The following AGBL4 variants were observed in gnomAD, a reference collection of about 807,000 sequenced individuals.
The protein encoded by AGBL4 is cytosolic carboxypeptidase 6.
Under a neutral mutation model 66.4 loss-of-function variants are expected in AGBL4, and 58 were observed. The observed-to-expected ratio is 0.87, with a 90% CI of 0.71 to 1.09. The LOEUF is 1.09. AGBL4 is among the 50% of genes least tolerant of loss of function. The pLI, the probability that AGBL4 is intolerant of heterozygous loss-of-function variation, is 0.00. For missense variants in AGBL4, 579 were observed against 631.0 expected (o/e 0.92, Z 0.88); for synonymous variants, 234 against 222.9 (o/e 1.05, Z -0.44).
intron 1 of AGBL4, among the ~76,000 whole-genome samples, chr1:49,909,756 A>G (rs978686844): frequency 2.6e-5 from 4 of 152,342 alleles, no homozygotes; most frequent in Non-Finnish European, 4.4e-5. Flanking sequence ...GGAAGCAAGG[A>G]AAACATCAGG....
At chr1:49,034,435 C>T (rs1449554346) in intron 5 of AGBL4, among the ~76,000 whole-genome samples, 2 of 152,040 alleles carry the variant, frequency 1.3e-5, no homozygotes, top group Admixed American at 6.6e-5. Context: ...GTGAAGTCTC[C>T]AGTAATATGC....
In AGBL4 at chr1:49,363,143, G is replaced by C. The variant is rs147337005; in HGVS notation, c.283-117279C>G. The stretch of plus-strand genomic sequence containing the variant: ...GCGAGAAGACTAAAGACAAGCTTTA[G>C]AAAACACCATAATTTAAAGACTTGT... On this transcript the variant is annotated intron_variant, in intron 3 of 13. Coordinates refer to ENST00000371839, the MANE Select transcript of AGBL4 (RefSeq NM_032785.4). Among the ~76,000 whole-genome samples the C allele has an allele frequency of 4.6e-3, 704 of 152,262 alleles. 7 individuals are homozygous for C. Among genetic ancestry groups the C allele is most frequent in the African/African-American group, 0.016 (684 of 41,544 alleles).
chr1:49,924,711 G>A (rs1478077728), intron 1 of AGBL4, among the ~76,000 whole-genome samples: 1 of 151,982 alleles, frequency 6.6e-6, no homozygotes, highest in Non-Finnish European at 1.5e-5. Context: ...CAACAATAAG[G>A]TAATTGCTAT....
intron 1 of AGBL4, among the ~76,000 whole-genome samples, chr1:49,867,989 C>G (rs928225821): frequency 2.0e-5 from 3 of 152,084 alleles, no homozygotes; most frequent in Non-Finnish European, 4.4e-5. Context: ...AATAGACAAA[C>G]AGAGAGCCAA....
intron 5 of AGBL4, chr1:49,025,760 G>A (rs1663618917): frequency 1.3e-5 from 2 of 151,990 alleles, no homozygotes; most frequent in Admixed American, 1.3e-4. Flanking sequence ...ACAAACCTGA[G>A]AAAATTGCAT....
At chr1:49,915,472 G>A (rs145508091) in intron 1 of AGBL4, among the ~76,000 whole-genome samples, 2,088 of 152,216 alleles carry the variant, frequency 0.014, 53 homozygotes, top group African/African-American at 0.048. Context: ...CACGCCCACC[G>A]GGCCTCGCTC....
intron 4 of AGBL4, among the ~76,000 whole-genome samples, chr1:49,070,326 A>G (rs908460023): frequency 1.3e-5 from 2 of 151,812 alleles, no homozygotes; most frequent in Admixed American, 1.3e-4. Flanking sequence ...CAAAGGGAAT[A>G]CTTCCAGTTT....
At chr1:49,267,401 C>CGA (rs1211276691) in intron 3 of AGBL4, among the ~76,000 whole-genome samples, 7 of 152,128 alleles carry the variant, frequency 4.6e-5, no homozygotes, top group Admixed American at 2.0e-4. Flanking sequence ...ATACCCAAGG[C>CGA]GAGGCACGGT....
chr1:48,547,734 C>T (rs1387108086), intron 11 of AGBL4, among the ~76,000 whole-genome samples: 2 of 152,132 alleles, frequency 1.3e-5, no homozygotes, highest in African/African-American at 4.8e-5. Context: ...TAGGGTGTCC[C>T]AAGGGCTTTA....
chr1:48,543,474 G>A (rs1345522136), intron 11 of AGBL4, among the ~76,000 whole-genome samples: 1 of 152,196 alleles, frequency 6.6e-6, no homozygotes, highest in East Asian at 1.9e-4. Context: ...AGCCTCCAGT[G>A]TGTCAGGGCT....
intron 1 of AGBL4, among the ~76,000 whole-genome samples, chr1:49,888,850 C>T (rs866865946): frequency 5.9e-4 from 90 of 152,078 alleles, no homozygotes; most frequent in African/African-American, 2.0e-3. Context: ...ACAAGATGGC[C>T]TCGTAGTATC....
chr1:49,574,847 GC>G (rs1558066972), intron 3 of AGBL4, among the ~76,000 whole-genome samples: 2 of 151,836 alleles, frequency 1.3e-5, no homozygotes, highest in East Asian at 1.9e-4. Flanking sequence ...TTGATAGGAC[GC>G]CTACTGCATT....
chr1:49,600,574 C>A (rs1644936158), intron 3 of AGBL4, among the ~76,000 whole-genome samples: 1 of 152,184 alleles, frequency 6.6e-6, no homozygotes, highest in African/African-American at 2.4e-5. Context: ...ATTTGCCAGT[C>A]TGTGTATTTT....
At chr1:49,388,662 T>G (rs572061310) in intron 3 of AGBL4, among the ~76,000 whole-genome samples, 1 of 152,152 alleles carries the variant, frequency 6.6e-6, no homozygotes, top group Non-Finnish European at 1.5e-5. Flanking sequence ...GTCAAAGCAT[T>G]GCCACAAATG....
intron 2 of AGBL4, among the ~76,000 whole-genome samples, chr1:49,762,989 T>C (rs1385864357): frequency 1.3e-5 from 2 of 152,236 alleles, no homozygotes; most frequent in Non-Finnish European, 2.9e-5. Flanking sequence ...TCCTGTTTTC[T>C]TCTAGTACTT....
intron 3 of AGBL4, among the ~76,000 whole-genome samples, chr1:49,416,819 G>A (rs1259521610): frequency 6.6e-6 from 1 of 152,002 alleles, no homozygotes; most frequent in African/African-American, 2.4e-5. Flanking sequence ...GTTCTGTATA[G>A]TATTTATTAT....
At chr1:48,867,349 G>T in intron 5 of AGBL4, 119 bp from the exon 6 acceptor site, 2 of 995,802 alleles carry the variant, frequency 2.0e-6, no homozygotes, top group Non-Finnish European at 3.1e-6. Context: ...AAATCATACG[G>T]AATGTGGTAC....
intron 6 of AGBL4, among the ~76,000 whole-genome samples, chr1:48,812,809 A>G (rs1646083553): frequency 6.6e-6 from 1 of 152,140 alleles, no homozygotes; most frequent in Non-Finnish European, 1.5e-5. Context: ...TGTCCTTTGT[A>G]GGGACATGGA....
chr1:49,481,900 T>C (rs1354673807), intron 3 of AGBL4, among the ~76,000 whole-genome samples: 1 of 151,426 alleles, frequency 6.6e-6, no homozygotes, highest in Non-Finnish European at 1.5e-5. Flanking sequence ...TTTTTGTCTT[T>C]AGTTCTATTT....
Sources: gnomAD v4.1 joint callset for allele counts (sites outside exome capture counted in the v4.1 genomes callset) on GRCh38, gnomAD v4.1.1 for gene constraint, MANE v1.5 for transcripts, NCBI Gene and HGNC (gene_info 2026-07-23, HGNC 2026-07-21) for gene names.